The following KIF15 variants were observed in gnomAD, a reference collection of about 807,000 sequenced individuals.
The protein encoded by KIF15 is kinesin family member 15.
A neutral mutation model predicts 190.6 loss-of-function variants in KIF15; 140 were observed. The observed-to-expected ratio is 0.73, with a 90% CI of 0.64 to 0.84. The LOEUF (loss-of-function observed/expected upper bound fraction) is 0.84, where lower values mean the gene tolerates loss of function less well. KIF15 is among the 40% of genes least tolerant of loss of function. The pLI is 0.00. For synonymous variants in KIF15, 528 were observed against 551.3 expected, an observed-to-expected ratio of 0.96 and a Z score of 0.59; for missense variants, 1,372 against 1,584.4, an observed-to-expected ratio of 0.87 and a Z score of 2.28.
rs555207316 is a variant in KIF15 at position 44,860,380 on chromosome 3, T to G, written c.*59+7586T>G. Among the ~76,000 whole-genome samples the G allele has an allele frequency of 8.3e-5, 12 of 145,394 alleles. 1 individual carries two copies. In the South Asian group the frequency reaches 1.3e-3, roughly 15 times the overall value. On this transcript the variant is annotated intron_variant and NMD_transcript_variant, in intron 6 of 6. Coordinates refer to the KIF15 transcript ENST00000422209. ...ATTGGCGTTACTGAAATTATCCGTG[T>G]TTTTTTTTGAGACAGAGCCTTACTC...
chr3:44,776,048 C>G (rs757681557), intron 3 of KIF15, among the ~76,000 whole-genome samples: 1 of 150,878 alleles, frequency 6.6e-6, no homozygotes, highest in Non-Finnish European at 1.5e-5. Context: ...CCACTGCACT[C>G]CAGACTGGGC....
At position 44,775,604 on chromosome 3, in the gene KIF15, C is replaced by T. The variant is rs532061780; in HGVS notation, c.246+167C>T. 1.3e-4 allele frequency among the ~76,000 whole-genome samples: 19 copies of T among 151,680 alleles called. No homozygotes were observed. In the Middle Eastern group the frequency reaches 0.01, roughly 81 times the overall value. On this transcript the variant is annotated intron_variant, in intron 3 of 34. Coordinates refer to ENST00000326047, the MANE Select transcript of KIF15 (RefSeq NM_020242.3). ...CCGAGTAGCTAGGACTACAGGTGCG[C>T]GCCACCATGCCTAGCTAATTTTTGT...
At chr3:44,766,638 G>C (rs1705389835) in intron 1 of KIF15, among the ~76,000 whole-genome samples, 1 of 152,138 alleles carries the variant, frequency 6.6e-6, no homozygotes, top group Admixed American at 6.5e-5. Flanking sequence ...CTACAGTGGA[G>C]TGTTTGCCTT....
chr3:44,851,949 C>G lies in KIF15; in HGVS notation c.3969C>G (p.Ser1323=). The change falls in exon 33 of 35, where the codon TCC becomes TCG. Residue 1323 remains serine (S), a synonymous_variant. Transcript: ENST00000326047. ...EEMYEERERT[S]QEMEMLRKQV... ...TGTATGAAGAAAGAGAGAGAACATC[C>G]CAGGTGTGCTAGTGTGTTGGTGTTT... is the stretch of plus-strand genomic sequence containing the variant. 6.2e-7 allele frequency: 1 copy of G among 1,612,304 alleles called. No homozygotes were observed. The highest frequency in any genetic ancestry group is 8.5e-7 in the Non-Finnish European group (1 of 1,179,210).
chr3:44,842,154 A>G (rs1477666730), intron 29 of KIF15, among the ~76,000 whole-genome samples: 3 of 152,126 alleles, frequency 2.0e-5, no homozygotes, highest in Non-Finnish European at 4.4e-5. Flanking sequence ...CCATTTTTCT[A>G]TCACTGGACT....
intron 6 of KIF15, among the ~76,000 whole-genome samples, chr3:44,858,473 C>T (rs922915862): frequency 1.3e-5 from 2 of 151,790 alleles, no homozygotes; most frequent in East Asian, 1.9e-4. Context: ...TAGTAATGCG[C>T]GTGTGATGGG....
intron 30 of KIF15, among the ~76,000 whole-genome samples, chr3:44,845,390 T>C (rs1056599071): frequency 6.6e-6 from 1 of 152,132 alleles, no homozygotes; most frequent in African/African-American, 2.4e-5. Flanking sequence ...GATTTAGTAC[T>C]TAAATGATGG....
chr3:44,778,077 T>C (rs1272331827), intron 3 of KIF15, 38 bp from the exon 4 acceptor site: 1 of 1,564,210 alleles, frequency 6.4e-7, no homozygotes, highest in East Asian at 2.2e-5. Flanking sequence ...AATGTTTTCA[T>C]TTTTATGATA....
downstream of KIF15, among the ~76,000 whole-genome samples, chr3:44,854,826 T>C (rs559943653): frequency 5.9e-5 from 9 of 152,350 alleles, no homozygotes; most frequent in Non-Finnish European, 1.3e-4. Context: ...TGTTCTTCCT[T>C]GTGCCTCTAT....
At chr3:44,809,208 T>G (rs1469240472) in intron 16 of KIF15, among the ~76,000 whole-genome samples, 1 of 152,200 alleles carries the variant, frequency 6.6e-6, no homozygotes, top group African/African-American at 2.4e-5. Context: ...TAATTCTCAT[T>G]TCTCTAATTT....
chr3:44,778,342 C>T, intron 4 of KIF15, 151 bp downstream of exon 4: 1 of 668,204 alleles, frequency 1.5e-6, no homozygotes, highest in East Asian at 2.6e-5. Flanking sequence ...ATGGGTCTCT[C>T]ACAGGTAAAA....
chr3:44,850,746 C>A (rs1234710831), intron 32 of KIF15, among the ~76,000 whole-genome samples: 1 of 152,158 alleles, frequency 6.6e-6, no homozygotes, highest in Non-Finnish European at 1.5e-5. Context: ...AGAATGTAGT[C>A]CAAAAACAAC....
At chr3:44,854,040 G>A (rs951018761), downstream of KIF15, among the ~76,000 whole-genome samples, 1 of 152,152 alleles carries the variant, frequency 6.6e-6, no homozygotes, top group East Asian at 1.9e-4. Flanking sequence ...TGGTGGAAAT[G>A]TTTTAAAATT....
At chr3:44,814,614 T>C (rs559099996) in intron 19 of KIF15, among the ~76,000 whole-genome samples, 1 of 152,290 alleles carries the variant, frequency 6.6e-6, no homozygotes, top group African/African-American at 2.4e-5. Flanking sequence ...TCTGCCCTTA[T>C]ATTAGGAGTT....
intron 19 of KIF15, among the ~76,000 whole-genome samples, 194 bp from the exon 20 acceptor site, chr3:44,814,717 C>T (rs969958761): frequency 6.6e-6 from 1 of 152,068 alleles, no homozygotes; most frequent in African/African-American, 2.4e-5. Flanking sequence ...TAGAAATTTA[C>T]GAAAAACCAT....
chr3:44,818,130 A>C lies in KIF15; in HGVS notation c.2549+3054A>C, dbSNP rs572100138. Reference sequence around the variant, plus strand: ...TTTGCTGAAGTTGCTTATCAGCTTAAGGAGATTTTGGGCTGAGATGATGGG... The same window carrying C: ...TTTGCTGAAGTTGCTTATCAGCTTACGGAGATTTTGGGCTGAGATGATGGG... On this transcript the variant is annotated intron_variant, in intron 20 of 34. Coordinates refer to ENST00000326047, the MANE Select transcript of KIF15 (RefSeq NM_020242.3). 3.9e-5 allele frequency among the ~76,000 whole-genome samples: 6 copies of C among 152,332 alleles called. No homozygotes were observed. The East Asian group carries it at 1.2e-3, about 29-fold the overall frequency.
At chr3:44,860,429 G>A (rs759494766) in intron 6 of KIF15, among the ~76,000 whole-genome samples, 14 of 152,070 alleles carry the variant, frequency 9.2e-5, no homozygotes, top group Non-Finnish European at 1.3e-4. Flanking sequence ...GGAGGGCAGT[G>A]GTGCAATTTC....
At position 44,815,042 on chromosome 3, in the gene KIF15, CACAT is replaced by C; in HGVS notation, c.2516_2519del (p.His839ArgfsTer7). The C allele has an allele frequency of 6.2e-7, 1 of 1,610,242 alleles. No homozygotes were observed. Among genetic ancestry groups the C allele is most frequent in the Non-Finnish European group, 8.5e-7 (1 of 1,178,716 alleles). On this transcript the variant is annotated frameshift_variant, in exon 20 of 35. Transcript: ENST00000326047. LOFTEE classifies it high-confidence loss of function. ...AGAATTCAACAAACTTTCCGAAAGA[CACAT>C]GCATGTACAGCTTCAATTAGATAAT...
At chr3:44,825,273 A>C (rs1697579110) in intron 20 of KIF15, among the ~76,000 whole-genome samples, 1 of 152,214 alleles carries the variant, frequency 6.6e-6, no homozygotes, top group Non-Finnish European at 1.5e-5. Flanking sequence ...TAAATACATA[A>C]ATATGTTCCC....
Sources: gnomAD v4.1 joint callset for allele counts (sites outside exome capture counted in the v4.1 genomes callset) on GRCh38, gnomAD v4.1.1 for gene constraint, MANE v1.5 for transcripts, NCBI Gene and HGNC (gene_info 2026-07-23, HGNC 2026-07-21) for gene names.